Variants in TTC39B observed in about 807,000 individuals in gnomAD.
The protein encoded by TTC39B is tetratricopeptide repeat domain 39B.
A neutral mutation model predicts 96.6 loss-of-function variants in TTC39B; 92 were observed. The ratio of observed to expected loss-of-function variants is 0.95; its 90% CI spans 0.80 to 1.13. The LOEUF (loss-of-function observed/expected upper bound fraction) is 1.13, where lower values mean the gene tolerates loss of function less well. Among genes scored for constraint, TTC39B ranks in the 50% most tolerant of loss-of-function variants. The probability of loss-of-function intolerance (pLI) is 0.00; values close to 1 mark genes in which losing one functional copy is unlikely to be tolerated. For synonymous variants in TTC39B, 367 were observed against 299.4 expected (o/e 1.23, Z -2.33); for missense variants, 955 against 809.3 (o/e 1.18, Z -2.18).
intron 1 of TTC39B, among the ~76,000 whole-genome samples, chr9:15,270,927 T>A (rs1823327188): frequency 6.6e-6 from 1 of 152,160 alleles, no homozygotes; most frequent in South Asian, 2.1e-4. Flanking sequence ...ATTTACTGAG[T>A]ACCTATCATG....
chr9:15,244,992 G>A (rs1336965148), intron 2 of TTC39B, among the ~76,000 whole-genome samples: 2 of 152,146 alleles, frequency 1.3e-5, no homozygotes, highest in Admixed American at 6.5e-5. Flanking sequence ...TAGATAGTAT[G>A]TTTCTTCTCT....
At chr9:15,181,746 G>A (rs1038023258) in intron 17 of TTC39B, among the ~76,000 whole-genome samples, 14 of 152,166 alleles carry the variant, frequency 9.2e-5, no homozygotes, top group Non-Finnish European at 5.9e-5. Flanking sequence ...CAACCCAGAG[G>A]GAAGTGCACG....
chr9:15,240,500 T>A (rs1821990068), intron 2 of TTC39B, among the ~76,000 whole-genome samples: 1 of 144,910 alleles, frequency 6.9e-6, no homozygotes, highest in East Asian at 1.9e-4. Context: ...CTTTTCAATG[T>A]TTTTTTTTCA....
At chr9:15,188,448 G>T (rs1028751116) in intron 13 of TTC39B, among the ~76,000 whole-genome samples, 1 of 152,172 alleles carries the variant, frequency 6.6e-6, no homozygotes, top group Non-Finnish European at 1.5e-5. Context: ...ACAAAACACT[G>T]TAGGCAGAGT....
At chr9:15,205,776 C>T (rs1290294110) in intron 6 of TTC39B, among the ~76,000 whole-genome samples, 1 of 152,236 alleles carries the variant, frequency 6.6e-6, no homozygotes, top group Non-Finnish European at 1.5e-5. Context: ...AGATTGCTGG[C>T]TTGGGGTACA....
chr9:15,282,039 C>A (rs1307405099), intron 1 of TTC39B, among the ~76,000 whole-genome samples: 2 of 152,126 alleles, frequency 1.3e-5, no homozygotes, highest in African/African-American at 4.8e-5. Context: ...AACAAATTAA[C>A]TTGTTTTACA....
chr9:15,261,178 G>T (rs894510091), intron 2 of TTC39B, among the ~76,000 whole-genome samples: 1 of 152,080 alleles, frequency 6.6e-6, no homozygotes, highest in Non-Finnish European at 1.5e-5. Context: ...TGAGAAAGAG[G>T]TTAATCAAAA....
At chr9:15,173,168 T>C (rs759891485) in intron 19 of TTC39B, among the ~76,000 whole-genome samples, 2 of 152,206 alleles carry the variant, frequency 1.3e-5, no homozygotes, top group Non-Finnish European at 2.9e-5. Flanking sequence ...AAATAATGAA[T>C]ATTTGGAACA....
At chr9:15,278,459 G>A (rs780868878) in intron 1 of TTC39B, among the ~76,000 whole-genome samples, 11 of 152,138 alleles carry the variant, frequency 7.2e-5, no homozygotes, top group Non-Finnish European at 1.5e-4. Flanking sequence ...CTGCTTTTAT[G>A]GCTGTACAAT....
At chr9:15,168,933 T>C (rs1817578103) in exon 20 of TTC39B, 1 of 77,424 alleles carries the variant, frequency 1.3e-5, no homozygotes, top group South Asian at 5.0e-4. Flanking sequence ...TTCACTTTTA[T>C]TTGAAATGGT....
At chr9:15,305,055 C>A (rs1824713873) in intron 1 of TTC39B, among the ~76,000 whole-genome samples, 1 of 151,996 alleles carries the variant, frequency 6.6e-6, no homozygotes, top group Non-Finnish European at 1.5e-5. Context: ...ACGTGAAAAG[C>A]TTCCTAGCTG....
intron 19 of TTC39B, among the ~76,000 whole-genome samples, chr9:15,174,002 CT>C (rs1817796281): frequency 6.6e-6 from 1 of 152,158 alleles, no homozygotes; most frequent in South Asian, 2.1e-4. Flanking sequence ...GGAATGCTCC[CT>C]ACCTAGTTGG....
At chr9:15,299,311 C>T (rs907399833) in intron 1 of TTC39B, among the ~76,000 whole-genome samples, 6 of 152,164 alleles carry the variant, frequency 3.9e-5, no homozygotes, top group African/African-American at 1.4e-4. Context: ...ACCAAGGGGA[C>T]ACATCCACAG....
rs923469827 is a variant in TTC39B at position 15,241,560 on chromosome 9, T to A, written c.276-15548A>T. On this transcript the variant is annotated intron_variant, in intron 2 of 19. Transcript: ENST00000512701. ...GAATTTATAATTTATAAAATCTAAC[T>A]GAATAAAAACAGGATAAAAGAGATG... Among the ~76,000 whole-genome samples, 8 of 152,082 alleles carry A rather than the reference T, an allele frequency of 5.3e-5. 1 individual carries two copies. The South Asian group carries it at 8.3e-4, about 16-fold the overall frequency.
chr9:15,227,631 C>A (rs1176572292), intron 2 of TTC39B, among the ~76,000 whole-genome samples: 1 of 152,146 alleles, frequency 6.6e-6, no homozygotes, highest in Non-Finnish European at 1.5e-5. Context: ...AAATAAGACT[C>A]TGGGCAGTGA....
intron 1 of TTC39B, among the ~76,000 whole-genome samples, chr9:15,290,708 C>T (rs1443093237): frequency 4.6e-5 from 7 of 152,210 alleles, no homozygotes; most frequent in East Asian, 1.9e-4. Context: ...ATCCAGTGAA[C>T]GCTAATCAAA....
chr9:15,193,338 TA>T (rs1818968958), intron 8 of TTC39B, among the ~76,000 whole-genome samples: 1 of 152,206 alleles, frequency 6.6e-6, no homozygotes, highest in South Asian at 2.1e-4. Context: ...AAATACAAAT[TA>T]AAACAATGAC....
intron 2 of TTC39B, chr9:15,249,258 C>A (rs900434915): frequency 5.3e-5 from 8 of 151,672 alleles, no homozygotes; most frequent in South Asian, 2.1e-4. Context: ...GTCACACACA[C>A]AAAAAAAATA....
chr9:15,167,007 TATA>T (rs1817536121), exon 20 of TTC39B: 3 of 7,388 alleles, frequency 4.1e-4, no homozygotes, highest in African/African-American at 5.7e-4. Flanking sequence ...TATATATATA[TATA>T]TATATATATA....
Sources: gnomAD v4.1 joint callset for allele counts (sites outside exome capture counted in the v4.1 genomes callset) on GRCh38, gnomAD v4.1.1 for gene constraint, MANE v1.5 for transcripts, NCBI Gene and HGNC (gene_info 2026-07-23, HGNC 2026-07-21) for gene names.